LMNB1: variants seen among roughly 807,000 people sequenced by gnomAD.
The protein encoded by LMNB1 is lamin B1.
A neutral mutation model predicts 67.1 loss-of-function variants in LMNB1; 23 were observed. That is an observed-to-expected ratio of 0.34 (90% CI 0.25 to 0.49). The LOEUF is 0.49. Ranked by LOEUF, LMNB1 falls within the 20% of genes least tolerant of loss-of-function variation. LMNB1 has a pLI of 0.99. For synonymous variants in LMNB1, 281 were observed against 282.9 expected, an observed-to-expected ratio of 0.99 and a Z score of 0.07; for missense variants, 634 against 746.5, an observed-to-expected ratio of 0.85 and a Z score of 1.76.
rs1479857732 is a variant in LMNB1, at chr5:126,791,954, C to T, written c.360-12822C>T. 1.1e-3 allele frequency among the ~76,000 whole-genome samples: 172 copies of T among 150,804 alleles called. 1 individual carries two copies. The highest frequency in any genetic ancestry group is 4.1e-3 in the African/African-American group (165 of 40,696). ...CCCACCATGACACCGGGCTGATTTT[C>T]GTATTTTTAGTAGAGACGGGGTTTC... On this transcript the variant is annotated intron_variant, in intron 1 of 10. Transcript: ENST00000261366.
intron 1 of LMNB1, among the ~76,000 whole-genome samples, chr5:126,785,295 A>AT (rs112060547): frequency 0.067 from 8,199 of 122,980 alleles, 250 homozygotes; most frequent in Middle Eastern, 0.13. Context: ...CTAAAAATTA[A>AT]TTTTTTTTTT....
At chr5:126,794,117 AT>A (rs572950468) in intron 1 of LMNB1, among the ~76,000 whole-genome samples, 172 of 151,888 alleles carry the variant, frequency 1.1e-3, no homozygotes, top group Admixed American at 4.1e-3. Context: ...GTATTTTTGT[AT>A]TTCACCATGT....
intron 3 of LMNB1, among the ~76,000 whole-genome samples, chr5:126,809,812 G>C (rs1354019456): frequency 6.6e-6 from 1 of 152,200 alleles, no homozygotes; most frequent in African/African-American, 2.4e-5. Flanking sequence ...GATTATCAAT[G>C]AAACAATTCA....
rs572912140 is a variant in LMNB1, at chr5:126,810,131, T to C, written c.643-49T>C. Reference sequence around the variant, plus strand: ...GTGATGTCACTCAGATGTGTACCAATGCAGCCATGGTAAGTAGCTTGGCTT... The same window carrying C: ...GTGATGTCACTCAGATGTGTACCAACGCAGCCATGGTAAGTAGCTTGGCTT... On this transcript the variant is annotated intron_variant, in intron 3 of 10. Transcript: ENST00000261366. 25 of 1,544,654 alleles carry C rather than the reference T, an allele frequency of 1.6e-5. No homozygotes were observed. The South Asian group carries it at 2.5e-4, about 16-fold the overall frequency.
intron 9 of LMNB1, 48 bp from the exon 10 acceptor site, chr5:126,832,646 T>C: frequency 7.5e-7 from 1 of 1,341,542 alleles, no homozygotes; most frequent in Non-Finnish European, 1.1e-6. Context: ...TCCCCCGCAT[T>C]TGGTGATTTT....
At chr5:126,807,772 T>A (rs1410312524) in intron 3 of LMNB1, among the ~76,000 whole-genome samples, 2 of 152,242 alleles carry the variant, frequency 1.3e-5, no homozygotes, top group Non-Finnish European at 2.9e-5. Flanking sequence ...AAAAAGTAAT[T>A]TAATATTTTT....
intron 1 of LMNB1, among the ~76,000 whole-genome samples, chr5:126,803,358 T>C (rs551172403): frequency 2.8e-5 from 4 of 144,536 alleles, no homozygotes; most frequent in Non-Finnish European, 6.1e-5. Context: ...TGATTCTCCT[T>C]CCTCAGCCCC....
At chr5:126,787,546 A>ATATATATATATATATTTTTTTTT in intron 1 of LMNB1, among the ~76,000 whole-genome samples, 1 of 65,572 alleles carries the variant, frequency 1.5e-5, no homozygotes, top group Non-Finnish European at 2.7e-5. Context: ...ATATATATAT[A>ATATATATATATATATTTTTTTTT]TTTTTTTTTT....
chr5:126,814,196 A>G (rs948059127), intron 5 of LMNB1, among the ~76,000 whole-genome samples: 2 of 152,196 alleles, frequency 1.3e-5, no homozygotes, highest in African/African-American at 4.8e-5. Context: ...CACCTGGCCT[A>G]TATCAACTGT....
At chr5:126,804,377 A>G (rs17598867) in intron 1 of LMNB1, among the ~76,000 whole-genome samples, 12,221 of 151,802 alleles carry the variant, frequency 0.081, 560 homozygotes, top group Non-Finnish European at 0.11. Flanking sequence ...TGCGCTCAGC[A>G]TGATATCCTG....
At chr5:126,801,542 A>G (rs1751287753) in intron 1 of LMNB1, among the ~76,000 whole-genome samples, 3 of 152,136 alleles carry the variant, frequency 2.0e-5, no homozygotes, top group Admixed American at 1.3e-4. Context: ...TGTTTTCTAC[A>G]CTCCACAAGA....
chr5:126,793,778 A>T (rs1243084164), intron 1 of LMNB1, among the ~76,000 whole-genome samples: 1 of 152,074 alleles, frequency 6.6e-6, no homozygotes, highest in Admixed American at 6.6e-5. Flanking sequence ...CAGGAGGCTG[A>T]GACAGGAGAA....
chr5:126,833,815 A>G (rs1752189059), intron 10 of LMNB1, among the ~76,000 whole-genome samples: 1 of 152,234 alleles, frequency 6.6e-6, no homozygotes, highest in Admixed American at 6.5e-5. Flanking sequence ...AGAGTAGTTG[A>G]GAAGAACTCT....
rs185420896 is a variant in LMNB1, at chr5:126,803,935, C to T, written c.360-841C>T. 3.4e-3 allele frequency among the ~76,000 whole-genome samples: 512 copies of T among 152,208 alleles called. 3 individuals carry two copies. Among genetic ancestry groups the T allele is most frequent in the African/African-American group, 0.012 (498 of 41,528 alleles). On this transcript the variant is annotated intron_variant, in intron 1 of 10. Coordinates refer to ENST00000261366, the MANE Select transcript of LMNB1 (RefSeq NM_005573.4). Reference sequence around the variant, plus strand: ...TTAGGGAGGCCGTTATTTATTGTTACCTCTATGTAACAAAATGGGAGGTAC... The same window carrying T: ...TTAGGGAGGCCGTTATTTATTGTTATCTCTATGTAACAAAATGGGAGGTAC...
chr5:126,832,383 A>G (rs1265854186), intron 9 of LMNB1, among the ~76,000 whole-genome samples: 10 of 151,506 alleles, frequency 6.6e-5, no homozygotes, highest in Non-Finnish European at 1.2e-4. Flanking sequence ...ATCTCGGCTC[A>G]CTGCAACCTC....
intron 1 of LMNB1, among the ~76,000 whole-genome samples, chr5:126,784,658 AT>A (rs35792214): frequency 1.1e-3 from 126 of 113,278 alleles, no homozygotes; most frequent in African/African-American, 9.9e-4. Flanking sequence ...CCTGGCTTGA[AT>A]TTTTTTTTTT....
At chr5:126,818,776 A>C in intron 5 of LMNB1, 146 bp from the exon 6 acceptor site, 1 of 636,380 alleles carries the variant, frequency 1.6e-6, no homozygotes, top group Non-Finnish European at 2.8e-6. Flanking sequence ...TTTGGGTTTT[A>C]ATTTCTTAAA....
At chr5:126,788,663 A>G (rs757919314) in intron 1 of LMNB1, among the ~76,000 whole-genome samples, 4 of 152,112 alleles carry the variant, frequency 2.6e-5, no homozygotes, top group Admixed American at 6.5e-5. Context: ...AAAAGGTGAG[A>G]AAAGAGAGGT....
At chr5:126,811,931 T>A in intron 5 of LMNB1, 33 bp downstream of exon 5, 17 of 1,593,532 alleles carry the variant, frequency 1.1e-5, no homozygotes, top group Non-Finnish European at 1.5e-5. Flanking sequence ...GAAGTTAGAC[T>A]TGAAGGCTAC....
Sources: allele counts gnomAD v4.1 joint callset (sites outside exome capture counted in the v4.1 genomes callset), GRCh38; gene constraint gnomAD v4.1.1; transcripts MANE v1.5; gene names NCBI Gene and HGNC (gene_info 2026-07-23, HGNC 2026-07-21).